The following CADM3 variants were observed in gnomAD, a reference collection of about 807,000 sequenced individuals.
CADM3 encodes TSLC1-like 1.
In CADM3, 11 loss-of-function variants were observed where a neutral mutation model predicts 44.9. The observed-to-expected ratio is 0.25, with a 90% CI of 0.15 to 0.41. The LOEUF (loss-of-function observed/expected upper bound fraction) is 0.41. Among genes scored for constraint, CADM3 ranks in the 10% least tolerant of loss-of-function variants. CADM3 has a pLI of 1.00. For missense variants in CADM3, 426 were observed against 512.0 expected (o/e 0.83, Z 1.62); for synonymous variants, 207 against 205.2 (o/e 1.01, Z -0.08).
Position 159,196,888 on chromosome 1 carries a change from C to A in CADM3, c.783-3C>A. On this transcript the variant is annotated splice_polypyrimidine_tract_variant and splice_region_variant and intron_variant, in intron 6 of 8. Transcript: ENST00000368125. ...AGCTCTTCTGATTTGTCTGCCTCGA[C>A]AGCCCCCAGCAGTACCTATGGGAGA... 1 of 1,613,392 alleles carries A rather than the reference C, an allele frequency of 6.2e-7. No homozygotes were observed. The highest frequency in any genetic ancestry group is 8.5e-7 in the Non-Finnish European group (1 of 1,179,650).
At position 159,192,083 on chromosome 1, in the gene CADM3, T is replaced by C; in HGVS notation, c.229+7T>C. 1 of 1,613,506 alleles carries C rather than the reference T, an allele frequency of 6.2e-7. No homozygotes were observed. Among genetic ancestry groups the C allele is most frequent in the Non-Finnish European group, 8.5e-7 (1 of 1,179,884 alleles). On this transcript the variant is annotated splice_region_variant and intron_variant, in intron 2 of 8. Coordinates refer to ENST00000368125, the MANE Select transcript of CADM3 (RefSeq NM_001127173.3). ...TACTTTGGGGAGAAGAGAGGTAGTA[T>C]CTCATGAGTTATCTTTCTCCGTGAA...
intron 2 of CADM3, 66 bp downstream of exon 2, chr1:159,192,142 G>T: frequency 6.5e-7 from 1 of 1,531,286 alleles, no homozygotes; most frequent in South Asian, 1.2e-5. Context: ...TGCAGACACC[G>T]AGGGGAACTG....
intron 1 of CADM3, among the ~76,000 whole-genome samples, chr1:159,190,124 A>C (rs1261235775): frequency 6.6e-6 from 1 of 152,174 alleles, no homozygotes; most frequent in Non-Finnish European, 1.5e-5. Flanking sequence ...AAATGATTCC[A>C]GGGGAATATA....
At chr1:159,189,784 G>A (rs966896778) in intron 1 of CADM3, 4 of 1,606,294 alleles carry the variant, frequency 2.5e-6, no homozygotes, top group Non-Finnish European at 3.4e-6. Flanking sequence ...ACTGGCAGGA[G>A]CAGGATTTGG....
At chr1:159,179,040 T>C (rs1306158434) in intron 1 of CADM3, among the ~76,000 whole-genome samples, 3 of 152,216 alleles carry the variant, frequency 2.0e-5, no homozygotes, top group Non-Finnish European at 4.4e-5. Context: ...TTTATCTCTA[T>C]GAGCGAGGCT....
chr1:159,192,573 C>A lies in CADM3; in HGVS notation c.230-5C>A, dbSNP rs766135173. ...CCTAGCTTTCCATTCTCTTGATTTC[C>A]CCAGCCCTTCGAGATAATCGAATTC... On this transcript the variant is annotated splice_region_variant and splice_polypyrimidine_tract_variant and intron_variant, in intron 2 of 8. Transcript: ENST00000368125. 1 of 1,614,006 alleles carries A rather than the reference C, an allele frequency of 6.2e-7. No individual in the cohort carries two copies. Among genetic ancestry groups the A allele is most frequent in the Non-Finnish European group, 8.5e-7 (1 of 1,180,034 alleles).
At chr1:159,186,518 A>G (rs887540542) in intron 1 of CADM3, among the ~76,000 whole-genome samples, 3 of 152,146 alleles carry the variant, frequency 2.0e-5, no homozygotes, top group Non-Finnish European at 4.4e-5. Context: ...TCCAGTCTGC[A>G]TTCATTGAGA....
chr1:159,194,060 A>T lies in CADM3; in HGVS notation c.691+20A>T. On this transcript the variant is annotated intron_variant, in intron 5 of 8. Transcript: ENST00000368125. ...TTTTATGTATGTCATGGGCTTGGGG[A>T]TGAAGAAGGATGAGGTATGAGATGA... 6.2e-7 allele frequency: 1 copy of T among 1,605,398 alleles called. No homozygotes were observed. The highest frequency in any genetic ancestry group is 8.5e-7 in the Non-Finnish European group (1 of 1,173,994).
chr1:159,173,388 T>A (rs1393948701), intron 1 of CADM3, among the ~76,000 whole-genome samples: 1 of 152,106 alleles, frequency 6.6e-6, no homozygotes, highest in East Asian at 1.9e-4. Flanking sequence ...CTTCCCCTGG[T>A]ATGGGGACCC....
At position 159,196,971 on chromosome 1, in the gene CADM3, T is replaced by C; in HGVS notation, c.863T>C (p.Phe288Ser). The change falls in exon 7 of 9, where the codon TTC becomes TCC. Residue 288 changes from phenylalanine (F) to serine (S), a missense_variant. This residue lies in a region of CADM3 where 362 missense variants were observed against 474.6 expected (regional missense o/e 0.76). Coordinates refer to ENST00000368125, the MANE Select transcript of CADM3 (RefSeq NM_001127173.3). ...CAGGAGAGTGCCCTGATCTTCCCTT[T>C]CCTCAACAAGAGTGACAGTGGCACC... is the stretch of plus-strand genomic sequence containing the variant. ...MTQESALIFP[F>S]LNKSDSGTYG... is the part of the protein sequence containing the mutation. 6.2e-7 allele frequency: 1 copy of C among 1,614,032 alleles called. No homozygotes were observed. Among genetic ancestry groups the C allele is most frequent in the Non-Finnish European group, 8.5e-7 (1 of 1,179,988 alleles).
intron 8 of CADM3, among the ~76,000 whole-genome samples, 162 bp downstream of exon 8, chr1:159,200,038 A>G (rs1442004789): frequency 6.6e-6 from 1 of 152,056 alleles, no homozygotes; most frequent in East Asian, 1.9e-4. Flanking sequence ...ATCATTGCCA[A>G]CCCTGTGATA....
intron 1 of CADM3, among the ~76,000 whole-genome samples, chr1:159,178,039 C>T (rs536290691): frequency 1.3e-5 from 2 of 152,320 alleles, no homozygotes; most frequent in African/African-American, 4.8e-5. Flanking sequence ...AACCTATGCA[C>T]ATTCTCCTGT....
chr1:159,188,573 C>G (rs1427382578), intron 1 of CADM3, among the ~76,000 whole-genome samples: 2 of 152,132 alleles, frequency 1.3e-5, no homozygotes, highest in Non-Finnish European at 2.9e-5. Context: ...ACTCCAAAGC[C>G]CGGACACGTA....
intron 4 of CADM3, 113 bp from the exon 5 acceptor site, chr1:159,193,757 T>G: frequency 2.0e-6 from 3 of 1,479,236 alleles, no homozygotes; most frequent in Non-Finnish European, 2.8e-6. Context: ...TTATCTAGGT[T>G]GAGACTCACC....
intron 1 of CADM3, among the ~76,000 whole-genome samples, chr1:159,180,645 T>TG (rs957305474): frequency 6.6e-6 from 1 of 151,680 alleles, no homozygotes; most frequent in African/African-American, 2.4e-5. Flanking sequence ...GGGGAATCAG[T>TG]GAAACTAGAG....
At chr1:159,176,842 C>A (rs995525633) in intron 1 of CADM3, among the ~76,000 whole-genome samples, 2 of 152,134 alleles carry the variant, frequency 1.3e-5, no homozygotes, top group African/African-American at 4.8e-5. Flanking sequence ...TCTTTCTTTA[C>A]CAAAATTTTC....
chr1:159,197,142 C>T lies in CADM3; in HGVS notation c.952+82C>T. 3.5e-6 allele frequency: 5 copies of T among 1,439,574 alleles called. No homozygotes were observed. The South Asian group carries it at 3.8e-5, about 11-fold the overall frequency. 89.2% of individuals were successfully genotyped at this position (1,439,574 alleles called of 1,614,324 possible). A position where few individuals can be genotyped will look rare whatever the true frequency, so the allele number is the denominator to read the frequency against. On this transcript the variant is annotated intron_variant, in intron 7 of 8. Transcript: ENST00000368125. ...CCTTTTTTAAAATGCTTCCTGATAA[C>T]ATCCCCAAACTGTGACGGGGAGTGG...
chr1:159,179,129 T>C (rs981958355), intron 1 of CADM3, among the ~76,000 whole-genome samples: 2 of 152,178 alleles, frequency 1.3e-5, no homozygotes, highest in Non-Finnish European at 2.9e-5. Context: ...CCTGTTCTCA[T>C]GAAGAGCAGG....
At chr1:159,197,600 T>G (rs1649960088) in intron 7 of CADM3, 1 of 152,106 alleles carries the variant, frequency 6.6e-6, no homozygotes, top group Admixed American at 6.5e-5. Context: ...AAGGACCAGG[T>G]GATGCTCCTT....
Sources: allele counts gnomAD v4.1 joint callset (sites outside exome capture counted in the v4.1 genomes callset), GRCh38; gene constraint gnomAD v4.1.1; regional missense constraint gnomAD v4.1.1; transcripts MANE v1.5; gene names NCBI Gene and HGNC (gene_info 2026-07-23, HGNC 2026-07-21).